UTRN: variants seen among roughly 807,000 people sequenced by gnomAD.
UTRN encodes utrophin.
UTRN carries 283 observed loss-of-function variants against 463.9 expected under a neutral mutation model. The observed-to-expected ratio is 0.61, with a 90% CI of 0.55 to 0.67. UTRN has a LOEUF of 0.67. Ranked by LOEUF, UTRN falls within the 30% of genes least tolerant of loss-of-function variation. The probability of loss-of-function intolerance (pLI) is 0.00; values close to 1 mark genes in which losing one functional copy is unlikely to be tolerated. For missense variants in UTRN, 3,922 were observed against 4,084.3 expected (o/e 0.96, Z 1.08); for synonymous variants, 1,442 against 1,431.5 (o/e 1.01, Z -0.17).
chr6:144,743,556 G>C (rs1045149261), intron 54 of UTRN, among the ~76,000 whole-genome samples: 2 of 152,180 alleles, frequency 1.3e-5, no homozygotes, highest in African/African-American at 4.8e-5. Flanking sequence ...AATAGGGTTT[G>C]CACTTGATAA....
chr6:144,344,480 G>A (rs1777405021), intron 2 of UTRN, among the ~76,000 whole-genome samples: 1 of 152,218 alleles, frequency 6.6e-6, no homozygotes, highest in Admixed American at 6.5e-5. Context: ...CTCAAGAGTA[G>A]AGACCAACGC....
chr6:144,664,782 T>G (rs1780218205), intron 51 of UTRN, among the ~76,000 whole-genome samples: 1 of 151,800 alleles, frequency 6.6e-6, no homozygotes, highest in Non-Finnish European at 1.5e-5. Context: ...ACAATTACTA[T>G]CCCAGAAACC....
chr6:144,483,811 T>C (rs537537277), intron 27 of UTRN, among the ~76,000 whole-genome samples: 20 of 152,300 alleles, frequency 1.3e-4, no homozygotes, highest in African/African-American at 4.8e-4. Flanking sequence ...TGAGAATAGT[T>C]TATACATTTC....
At chr6:144,806,583 C>T (rs1778170399) in intron 65 of UTRN, among the ~76,000 whole-genome samples, 1 of 102,016 alleles carries the variant, frequency 9.8e-6, no homozygotes, top group Non-Finnish European at 2.2e-5. Context: ...AATGTCTTTC[C>T]ATTCATTCTC....
At chr6:144,539,878 A>G (rs1797841585) in intron 45 of UTRN, among the ~76,000 whole-genome samples, 1 of 151,972 alleles carries the variant, frequency 6.6e-6, no homozygotes, top group African/African-American at 2.4e-5. Context: ...CCCCATCTCT[A>G]CTAAAGATAG....
rs533585655 is a variant in UTRN at position 144,522,817 on chromosome 6, TTATGTAGCA to T, written c.5734-195_5734-187del. Among the ~76,000 whole-genome samples the T allele has an allele frequency of 1.5e-4, 23 of 152,260 alleles. No homozygotes were observed. The South Asian group carries it at 4.3e-3, about 29-fold the overall frequency. On this transcript the variant is annotated intron_variant, in intron 40 of 74. Coordinates refer to ENST00000367545, the MANE Select transcript of UTRN (RefSeq NM_007124.3). ...GACTTTTTTTCCTGCCTTGAGTATA[TTATGTAGCA>T]TATTCCACACACTTTGGTTAAAACA... is the stretch of plus-strand genomic sequence containing the variant.
At chr6:144,636,133 C>T (rs187870313) in intron 51 of UTRN, among the ~76,000 whole-genome samples, 30 of 152,042 alleles carry the variant, frequency 2.0e-4, no homozygotes, top group Non-Finnish European at 3.8e-4. Flanking sequence ...AAGTGTAAGC[C>T]GTCATGATTT....
Position 144,479,853 on chromosome 6 carries a change from A to G in UTRN, c.3378A>G (p.Lys1126=). 1 of 1,613,946 alleles carries G rather than the reference A, an allele frequency of 6.2e-7. No homozygotes were observed. Among genetic ancestry groups the G allele is most frequent in the Non-Finnish European group, 8.5e-7 (1 of 1,179,952 alleles). Residue 1126 remains lysine, a synonymous_variant, in exon 26 of 75, where the codon AAA becomes AAG. Coordinates refer to ENST00000367545, the MANE Select transcript of UTRN (RefSeq NM_007124.3). ...GTAGGTTGTCTGAAAGTCAAGAAAA[A>G]GCTGCGAACCTGAAGAAAGACTTGG... ...QKSRLSESQE[K]AANLKKDLAE...
intron 47 of UTRN, 54 bp downstream of exon 47, chr6:144,548,908 C>A: frequency 6.4e-7 from 1 of 1,552,950 alleles, no homozygotes; most frequent in Non-Finnish European, 8.8e-7. Context: ...CAGAGGTAGA[C>A]CAGATCTGTT....
intron 13 of UTRN, among the ~76,000 whole-genome samples, chr6:144,443,177 C>A (rs1205832490): frequency 1.3e-5 from 2 of 152,086 alleles, no homozygotes; most frequent in African/African-American, 4.8e-5. Context: ...TAAGACGTTG[C>A]CAATTTATTT....
chr6:144,522,251 G>C (rs1796172109), intron 40 of UTRN, 80 bp downstream of exon 40: 1 of 1,175,174 alleles, frequency 8.5e-7, no homozygotes, highest in African/African-American at 1.6e-5. Context: ...TGCCTACTTA[G>C]ATGGTCTATA....
intron 53 of UTRN, among the ~76,000 whole-genome samples, chr6:144,710,257 A>T (rs947861361): frequency 1.3e-5 from 2 of 152,318 alleles, no homozygotes; most frequent in South Asian, 2.1e-4. Context: ...CAGAAAACCA[A>T]ACATGGCATT....
intron 6 of UTRN, among the ~76,000 whole-genome samples, chr6:144,425,416 G>A (rs1426581033): frequency 1.3e-5 from 2 of 152,004 alleles, no homozygotes; most frequent in East Asian, 1.9e-4. Context: ...TAAAAGTATC[G>A]GGTGGGGATA....
chr6:144,453,735 T>C lies in UTRN; in HGVS notation c.2197-47T>C. 1.9e-6 allele frequency: 3 copies of C among 1,539,010 alleles called. No homozygotes were observed. In the South Asian group the frequency reaches 3.5e-5, roughly 18 times the overall value. ...AAACATTTAAAACAGCAACATTATA[T>C]TGAGAAGAAAGTTTGCAATATTCTT... On this transcript the variant is annotated intron_variant, in intron 18 of 74. Transcript: ENST00000367545.
At chr6:144,466,607 T>C (rs1234938987) in intron 23 of UTRN, among the ~76,000 whole-genome samples, 1 of 152,178 alleles carries the variant, frequency 6.6e-6, no homozygotes, top group African/African-American at 2.4e-5. Flanking sequence ...ATACATGAAA[T>C]GGGTATTTCT....
At chr6:144,738,484 G>A (rs900425081) in intron 54 of UTRN, among the ~76,000 whole-genome samples, 10 of 152,056 alleles carry the variant, frequency 6.6e-5, no homozygotes, top group East Asian at 1.9e-4. Context: ...GCCTTCTGTC[G>A]GTCTTCCTCT....
chr6:144,315,086 A>G (rs1330313131), intron 2 of UTRN, among the ~76,000 whole-genome samples: 2 of 152,156 alleles, frequency 1.3e-5, no homozygotes, highest in Non-Finnish European at 2.9e-5. Context: ...CTGGGCACTT[A>G]GTGGGCTATA....
At chr6:144,649,830 G>T (rs978190402) in intron 51 of UTRN, among the ~76,000 whole-genome samples, 25 of 152,126 alleles carry the variant, frequency 1.6e-4, no homozygotes, top group African/African-American at 6.0e-4. Flanking sequence ...GCTAAAGGAA[G>T]TAACTTTTTC....
chr6:144,357,981 A>T (rs1000511993), intron 2 of UTRN, among the ~76,000 whole-genome samples: 1 of 152,210 alleles, frequency 6.6e-6, no homozygotes, highest in African/African-American at 2.4e-5. Flanking sequence ...CACTAGTTTG[A>T]TTCAAGCACT....
Sources: allele counts gnomAD v4.1 joint callset (sites outside exome capture counted in the v4.1 genomes callset), GRCh38; gene constraint gnomAD v4.1.1; transcripts MANE v1.5; gene names NCBI Gene and HGNC (gene_info 2026-07-23, HGNC 2026-07-21).